CUL5: variants seen among roughly 807,000 people sequenced by gnomAD.
CUL5 encodes the protein cullin 5.
CUL5 carries 26 observed loss-of-function variants against 108.8 expected under a neutral mutation model. The ratio of observed to expected loss-of-function variants is 0.24; its 90% CI spans 0.18 to 0.33. CUL5 has a LOEUF of 0.33. Ranked by LOEUF, CUL5 falls within the 10% of genes least tolerant of loss-of-function variation. The probability of loss-of-function intolerance (pLI) is 1.00; values close to 1 mark genes in which losing one functional copy is unlikely to be tolerated. For missense variants in CUL5, 524 were observed against 909.2 expected (o/e 0.58, Z 5.45); for synonymous variants, 334 against 298.0 (o/e 1.12, Z -1.25).
At chr11:108,091,643 C>T (rs750395634) in intron 13 of CUL5, among the ~76,000 whole-genome samples, 1 of 147,514 alleles carries the variant, frequency 6.8e-6, no homozygotes, top group Non-Finnish European at 1.5e-5. Context: ...GAACAGAGAT[C>T]TTACCACTGT....
chr11:108,081,931 T>G (rs1864097916), intron 11 of CUL5, among the ~76,000 whole-genome samples: 1 of 152,228 alleles, frequency 6.6e-6, no homozygotes, highest in Non-Finnish European at 1.5e-5. Flanking sequence ...TCAAGATCAT[T>G]CTGGCTATTT....
intron 2 of CUL5, among the ~76,000 whole-genome samples, chr11:108,036,642 T>A (rs749837293): frequency 6.6e-6 from 1 of 152,152 alleles, no homozygotes; most frequent in East Asian, 1.9e-4. Context: ...TGTGCCAGGC[T>A]AATTTTTGTA....
intron 7 of CUL5, among the ~76,000 whole-genome samples, chr11:108,064,446 G>A (rs1297567009): frequency 3.9e-5 from 6 of 152,094 alleles, no homozygotes; most frequent in African/African-American, 1.4e-4. Flanking sequence ...AGTGGCTCAC[G>A]CCTGTAATCC....
intron 8 of CUL5, 94 bp downstream of exon 8, chr11:108,070,283 C>T: frequency 1.2e-6 from 1 of 857,562 alleles, no homozygotes; most frequent in Non-Finnish European, 1.9e-6. Context: ...AATTCTTTTC[C>T]ACATAGGTAT....
At chr11:108,010,565 T>G (rs906323990) in intron 1 of CUL5, among the ~76,000 whole-genome samples, 12 of 152,228 alleles carry the variant, frequency 7.9e-5, no homozygotes, top group Admixed American at 5.9e-4. Context: ...AGTTTCCTTA[T>G]GAGTAGGACA....
intron 10 of CUL5, among the ~76,000 whole-genome samples, chr11:108,075,913 T>C (rs1371819075): frequency 6.6e-6 from 1 of 152,184 alleles, no homozygotes; most frequent in Non-Finnish European, 1.5e-5. Context: ...AATAAAGATA[T>C]CCACCATCTG....
intron 7 of CUL5, among the ~76,000 whole-genome samples, chr11:108,063,567 T>C (rs1028314182): frequency 6.7e-6 from 1 of 150,146 alleles, no homozygotes; most frequent in Non-Finnish European, 1.5e-5. Flanking sequence ...AGTATAATAA[T>C]AATAAAATTT....
At chr11:108,082,863 G>C (rs1317028288) in intron 11 of CUL5, among the ~76,000 whole-genome samples, 1 of 151,940 alleles carries the variant, frequency 6.6e-6, no homozygotes, top group Non-Finnish European at 1.5e-5. Context: ...CTGGGTTCAA[G>C]TGAGCCTCCT....
At chr11:108,094,607 A>T in intron 14 of CUL5, 93 bp downstream of exon 14, 3 of 870,072 alleles carry the variant, frequency 3.4e-6, no homozygotes, top group Admixed American at 3.3e-5. Flanking sequence ...GCAGTAATAG[A>T]TCGAAAGATG....
rs1173175931 is a variant in CUL5 at position 108,065,346 on chromosome 11, ATC to A, written c.781-4747_781-4746del. ...TGGGAGAAATTTTATTATGGCTTCT[ATC>A]TCATTATTTGTTATTGCTTGCCTAG... On this transcript the variant is annotated intron_variant, in intron 7 of 18. Coordinates refer to ENST00000393094, the MANE Select transcript of CUL5 (RefSeq NM_003478.6). 2.6e-5 allele frequency among the ~76,000 whole-genome samples: 4 copies of A among 152,106 alleles called. No individual in the cohort carries two copies. In the East Asian group the frequency reaches 7.7e-4, roughly 29 times the overall value.
intron 1 of CUL5, among the ~76,000 whole-genome samples, chr11:108,014,293 G>A (rs1463799285): frequency 1.3e-5 from 2 of 152,154 alleles, no homozygotes; most frequent in East Asian, 3.8e-4. Flanking sequence ...AGTGTAAGCA[G>A]GGCTGCATGC....
intron 1 of CUL5, among the ~76,000 whole-genome samples, chr11:108,020,975 C>G (rs1862314110): frequency 6.6e-6 from 1 of 152,096 alleles, no homozygotes; most frequent in Non-Finnish European, 1.5e-5. Flanking sequence ...ATCTTTCATA[C>G]TGTATTTTTA....
rs369297599 is a variant in CUL5 at position 108,052,647 on chromosome 11, C to A, written c.412-13C>A. The A allele has an allele frequency of 6.3e-7, 1 of 1,584,830 alleles. No individual in the cohort carries two copies. Among genetic ancestry groups the A allele is most frequent in the Admixed American group, 1.8e-5 (1 of 55,542 alleles). ...ATTGAAAATTATGTTACAATTTGTT[C>A]TTGTTTTCCTAGCTTATGCTTGATA... On this transcript the variant is annotated splice_polypyrimidine_tract_variant and intron_variant, in intron 4 of 18. Coordinates refer to ENST00000393094, the MANE Select transcript of CUL5 (RefSeq NM_003478.6).
At chr11:108,072,217 TC>T in intron 8 of CUL5, 114 bp from the exon 9 acceptor site, 1 of 815,808 alleles carries the variant, frequency 1.2e-6, no homozygotes, top group Non-Finnish European at 1.8e-6. Context: ...GAACAACTAC[TC>T]CTAATGGCAT....
At chr11:108,101,361 G>C (rs1407787647) in intron 18 of CUL5, among the ~76,000 whole-genome samples, 1 of 152,182 alleles carries the variant, frequency 6.6e-6, no homozygotes, top group Non-Finnish European at 1.5e-5. Context: ...GATTATCTTT[G>C]GGAATTTGGC....
chr11:108,074,015 T>C (rs1863888389), intron 10 of CUL5: 1 of 152,294 alleles, frequency 6.6e-6, no homozygotes, highest in Non-Finnish European at 1.5e-5. Context: ...TAAAACACCA[T>C]ACTGTCCTTA....
In CUL5 at chr11:108,027,996, G is replaced by T. The variant is rs1158805431; in HGVS notation, c.25-5806G>T. 2.0e-5 allele frequency among the ~76,000 whole-genome samples: 3 copies of T among 152,166 alleles called. No individual in the cohort carries two copies. In the East Asian group the frequency reaches 5.8e-4, roughly 29 times the overall value. On this transcript the variant is annotated intron_variant, in intron 1 of 18. Coordinates refer to ENST00000393094, the MANE Select transcript of CUL5 (RefSeq NM_003478.6). ...CTTACTCCTCTCTCCGCCTCTTAAT[G>T]TTGGATATCTAAAACCTCAGGCTTG... is the stretch of plus-strand genomic sequence containing the variant.
At chr11:108,085,844 G>T (rs889702639) in intron 11 of CUL5, among the ~76,000 whole-genome samples, 1 of 152,120 alleles carries the variant, frequency 6.6e-6, no homozygotes, top group African/African-American at 2.4e-5. Flanking sequence ...GTTTCTTTTT[G>T]GGGTAATGAA....
intron 1 of CUL5, among the ~76,000 whole-genome samples, chr11:108,024,513 A>G (rs867448208): frequency 1.5e-4 from 23 of 152,228 alleles, no homozygotes; most frequent in African/African-American, 5.5e-4. Flanking sequence ...AGTGTTTGGA[A>G]CAGTACAGCA....
Sources: gnomAD v4.1 joint callset for allele counts (sites outside exome capture counted in the v4.1 genomes callset) on GRCh38, gnomAD v4.1.1 for gene constraint, MANE v1.5 for transcripts, NCBI Gene and HGNC (gene_info 2026-07-23, HGNC 2026-07-21) for gene names.